The following STK39 variants were observed in gnomAD, a reference collection of about 807,000 sequenced individuals.
The protein encoded by STK39 is STE20/SPS1-related proline-alanine-rich protein kinase.
Under a neutral mutation model 77.8 loss-of-function variants are expected in STK39, and 20 were observed. The ratio of observed to expected loss-of-function variants is 0.26; its 90% CI spans 0.18 to 0.37. The LOEUF (loss-of-function observed/expected upper bound fraction) is 0.37, where lower values mean the gene tolerates loss of function less well. Among genes scored for constraint, STK39 ranks in the 10% least tolerant of loss-of-function variants. STK39 has a pLI of 1.00. For missense variants in STK39, 479 were observed against 656.5 expected (o/e 0.73, Z 2.95); for synonymous variants, 246 against 234.1 (o/e 1.05, Z -0.47).
At chr2:168,170,279 T>C (rs546991587) in intron 2 of STK39, among the ~76,000 whole-genome samples, 1 of 152,362 alleles carries the variant, frequency 6.6e-6, no homozygotes, top group Admixed American at 6.5e-5. Context: ...ACCGCATTCA[T>C]ATGGTTAGGA....
At chr2:168,145,472 G>C (rs141580270) in intron 5 of STK39, among the ~76,000 whole-genome samples, 1 of 152,188 alleles carries the variant, frequency 6.6e-6, no homozygotes, top group Non-Finnish European at 1.5e-5. Context: ...AGTTGCCATA[G>C]AGAAATGTAG....
chr2:168,033,592 T>C (rs944515280), intron 14 of STK39, among the ~76,000 whole-genome samples: 2 of 152,324 alleles, frequency 1.3e-5, no homozygotes, highest in East Asian at 1.9e-4. Context: ...TTCAGGCTGT[T>C]CTGAAGTGTA....
At chr2:167,992,991 C>T (rs890219935) in intron 16 of STK39, among the ~76,000 whole-genome samples, 1 of 152,194 alleles carries the variant, frequency 6.6e-6, no homozygotes, top group South Asian at 2.1e-4. Flanking sequence ...TTGGTTTCTT[C>T]TCTGCTTTAA....
chr2:168,066,320 G>A (rs1685794029), intron 12 of STK39, among the ~76,000 whole-genome samples: 1 of 152,218 alleles, frequency 6.6e-6, no homozygotes, highest in South Asian at 2.1e-4. Context: ...ATATATGATA[G>A]AGCAAGTACA....
chr2:168,121,586 T>C (rs1023720595), intron 10 of STK39, among the ~76,000 whole-genome samples: 1 of 152,218 alleles, frequency 6.6e-6, no homozygotes, highest in Admixed American at 6.5e-5. Context: ...TAGGCATCCA[T>C]AGGCTTTTCC....
intron 14 of STK39, among the ~76,000 whole-genome samples, chr2:168,028,131 T>C (rs1008788962): frequency 1.3e-5 from 2 of 152,128 alleles, no homozygotes; most frequent in Non-Finnish European, 2.9e-5. Context: ...TAAACAACCA[T>C]GGTGGACTCT....
intron 15 of STK39, 109 bp from the exon 16 acceptor site, chr2:168,012,811 T>A: frequency 3.7e-6 from 3 of 812,482 alleles, no homozygotes; most frequent in Non-Finnish European, 5.4e-6. Context: ...CCATGAGTTT[T>A]AATTCAACAA....
At chr2:168,020,231 C>A (rs1481190033) in intron 14 of STK39, among the ~76,000 whole-genome samples, 1 of 151,922 alleles carries the variant, frequency 6.6e-6, no homozygotes, top group African/African-American at 2.4e-5. Context: ...AATGACAACC[C>A]CATTATATGT....
intron 5 of STK39, among the ~76,000 whole-genome samples, chr2:168,143,926 C>G (rs1688062948): frequency 6.6e-6 from 1 of 152,174 alleles, no homozygotes; most frequent in African/African-American, 2.4e-5. Flanking sequence ...GGTACATCAA[C>G]CCTCCATGCT....
At chr2:168,234,035 A>C (rs1484872991) in intron 1 of STK39, among the ~76,000 whole-genome samples, 1 of 152,254 alleles carries the variant, frequency 6.6e-6, no homozygotes, top group Non-Finnish European at 1.5e-5. Context: ...AGATGAATTG[A>C]CTAGCTTGCA....
chr2:168,044,292 T>C (rs919853428), intron 14 of STK39, among the ~76,000 whole-genome samples: 4 of 152,186 alleles, frequency 2.6e-5, no homozygotes, highest in Non-Finnish European at 5.9e-5. Flanking sequence ...TCAACACCAA[T>C]AACATAGTAG....
At chr2:168,082,896 T>A (rs759450631) in intron 10 of STK39, among the ~76,000 whole-genome samples, 2 of 152,212 alleles carry the variant, frequency 1.3e-5, no homozygotes, top group Non-Finnish European at 2.9e-5. Context: ...GTTGTCTTAG[T>A]TAATGCCTTT....
At chr2:167,980,697 G>A (rs6734516) in intron 16 of STK39, among the ~76,000 whole-genome samples, 84,823 of 151,422 alleles carry the variant, frequency 0.56, 24,819 homozygotes, top group African/African-American at 0.67. Context: ...CTTTGTTTAT[G>A]TTATGCGGCA....
At chr2:167,988,075 T>C (rs1050792878) in intron 16 of STK39, among the ~76,000 whole-genome samples, 2 of 152,162 alleles carry the variant, frequency 1.3e-5, no homozygotes, top group African/African-American at 4.8e-5. Flanking sequence ...GCAGGCAGTT[T>C]GGCTCTCTGG....
rs559786597 is a variant in STK39, at chr2:167,980,452, C to T, written c.1499-15726G>A. ...CACAGCTTGAGATTTAACCTAGTGG[C>T]TTCTGGACTGGGAAAAGCTTTGGAA... is the stretch of plus-strand genomic sequence containing the variant. On this transcript the variant is annotated intron_variant, in intron 16 of 17. Coordinates refer to ENST00000355999, the MANE Select transcript of STK39 (RefSeq NM_013233.3). 3.3e-5 allele frequency among the ~76,000 whole-genome samples: 5 copies of T among 152,292 alleles called. No individual in the cohort carries two copies. The East Asian group carries it at 9.6e-4, about 29-fold the overall frequency.
At chr2:168,118,578 T>C in intron 10 of STK39, among the ~76,000 whole-genome samples, 1 of 129,550 alleles carries the variant, frequency 7.7e-6, no homozygotes, top group East Asian at 2.4e-4. Flanking sequence ...CAGAAAGGAG[T>C]CACTTTCCCA....
At chr2:168,240,742 T>TGGTA (rs2105279147) in intron 1 of STK39, among the ~76,000 whole-genome samples, 1 of 152,322 alleles carries the variant, frequency 6.6e-6, no homozygotes, top group Admixed American at 6.5e-5. Context: ...GTCCAAACAC[T>TGGTA]GGTATACAGT....
At chr2:168,065,497 T>C (rs1231557312) in intron 12 of STK39, 116 bp from the exon 13 acceptor site, 8 of 1,102,524 alleles carry the variant, frequency 7.3e-6, no homozygotes, top group Non-Finnish European at 9.5e-6. Flanking sequence ...CATAAAGCAA[T>C]ATTTACCAAA....
chr2:168,059,301 G>T (rs1164836739), intron 14 of STK39, among the ~76,000 whole-genome samples: 1 of 152,148 alleles, frequency 6.6e-6, no homozygotes, highest in Non-Finnish European at 1.5e-5. Flanking sequence ...TGTCACTCCT[G>T]CGATTAAGTT....
Sources: allele counts gnomAD v4.1 joint callset (sites outside exome capture counted in the v4.1 genomes callset), GRCh38; gene constraint gnomAD v4.1.1; transcripts MANE v1.5; gene names NCBI Gene and HGNC (gene_info 2026-07-23, HGNC 2026-07-21).